ZCCHC7: variants seen among roughly 807,000 people sequenced by gnomAD.
ZCCHC7 encodes the protein zinc finger CCHC domain-containing protein 7.
In ZCCHC7, 35 loss-of-function variants were observed where a neutral mutation model predicts 52.0. The observed-to-expected ratio is 0.67, with a 90% CI of 0.51 to 0.89. The LOEUF (loss-of-function observed/expected upper bound fraction) is 0.89, where lower values mean the gene tolerates loss of function less well. ZCCHC7 is among the 40% of genes least tolerant of loss of function. The pLI, the probability that ZCCHC7 is intolerant of heterozygous loss-of-function variation, is 0.00. For synonymous variants in ZCCHC7, 217 were observed against 221.5 expected, an observed-to-expected ratio of 0.98 and a Z score of 0.18; for missense variants, 574 against 649.1, an observed-to-expected ratio of 0.88 and a Z score of 1.26.
chr9:37,276,784 G>A (rs894084979), intron 2 of ZCCHC7, among the ~76,000 whole-genome samples: 1 of 152,088 alleles, frequency 6.6e-6, no homozygotes, highest in Non-Finnish European at 1.5e-5. Context: ...TGATGTAGAG[G>A]ATTTACACTG....
chr9:37,268,841 A>G (rs1001319942), intron 2 of ZCCHC7, among the ~76,000 whole-genome samples: 1 of 152,200 alleles, frequency 6.6e-6, no homozygotes, highest in South Asian at 2.1e-4. Context: ...TACTCTATTC[A>G]TGTGGTCTTT....
Position 37,305,682 on chromosome 9 carries a change from G to C in ZCCHC7, c.919G>C (p.Asp307His), listed in dbSNP as rs1362250479. ...CAGACATTCCTGGGATAAACAGTGT[G>C]ACCGATGTCATATGCTAGGCCACTA... ...LFRHSWDKQC[D>H]RCHMLGHYTD... The change falls in exon 5 of 9, where the codon GAC becomes CAC. Residue 307 changes from aspartate (D) to histidine (H), a missense_variant. Coordinates refer to ENST00000336755, the MANE Select transcript of ZCCHC7 (RefSeq NM_032226.3). The C allele has an allele frequency of 1.2e-6, 2 of 1,613,980 alleles. No homozygotes were observed. Among genetic ancestry groups the C allele is most frequent in the Non-Finnish European group, 1.7e-6 (2 of 1,180,026 alleles).
At chr9:37,232,619 A>T (rs1030457193) in intron 2 of ZCCHC7, among the ~76,000 whole-genome samples, 2 of 152,210 alleles carry the variant, frequency 1.3e-5, no homozygotes, top group Non-Finnish European at 2.9e-5. Flanking sequence ...CTGGGAAAAA[A>T]ATCATGACAT....
chr9:37,261,924 A>G lies in ZCCHC7; in HGVS notation c.611-40264A>G, dbSNP rs887869515. ...TAATAGGAACCAGAGGTCTTAGTAAATGAGAACTATGATTCTGGGTGCTTA... is the reference window on the plus strand; with the variant it reads ...TAATAGGAACCAGAGGTCTTAGTAAGTGAGAACTATGATTCTGGGTGCTTA... On this transcript the variant is annotated intron_variant, in intron 2 of 8. Coordinates refer to ENST00000336755, the MANE Select transcript of ZCCHC7 (RefSeq NM_032226.3). Among the ~76,000 whole-genome samples the G allele has an allele frequency of 2.6e-5, 4 of 152,286 alleles. No individual in the cohort carries two copies. The South Asian group carries it at 8.3e-4, about 32-fold the overall frequency.
rs1213944515 is a variant in ZCCHC7, at chr9:37,254,509, C to G, written c.611-47679C>G. On this transcript the variant is annotated intron_variant, in intron 2 of 8. Coordinates refer to ENST00000336755, the MANE Select transcript of ZCCHC7 (RefSeq NM_032226.3). ...TGAGAGTGGGGTGTTGACTAGAGAG[C>G]TCCAAGTGATAAAATCTAGGAAAGA... Among the ~76,000 whole-genome samples the G allele has an allele frequency of 2.6e-5, 4 of 151,786 alleles. No homozygotes were observed. In the East Asian group the frequency reaches 7.7e-4, roughly 29 times the overall value.
chr9:37,212,082 A>G (rs1824270150), intron 2 of ZCCHC7, among the ~76,000 whole-genome samples: 2 of 146,618 alleles, frequency 1.4e-5, no homozygotes, highest in African/African-American at 2.5e-5. Flanking sequence ...CTTTGGCAAA[A>G]TCACTGGGGA....
chr9:37,310,865 G>T (rs1829561285), intron 5 of ZCCHC7, among the ~76,000 whole-genome samples: 1 of 151,466 alleles, frequency 6.6e-6, no homozygotes, highest in South Asian at 2.1e-4. Flanking sequence ...GCTGAGATGG[G>T]AGGATTGCTT....
rs1168077297 is a variant in ZCCHC7, at chr9:37,327,806, C to T, written c.959C>T (p.Thr320Ile). The change falls in exon 6 of 9, where the codon ACA (threonine) becomes ATA (isoleucine). Residue 320 changes from threonine to isoleucine, a missense_variant. Thr to Ile is a moderately conservative substitution (Grantham distance 89, BLOSUM62 -1). This residue lies in a region of ZCCHC7 where 403 missense variants were observed against 461.2 expected (regional missense o/e 0.87). Transcript: ENST00000336755. ...HMLGHYTDAC[T>I]EIWRQYHLTT... is the part of the protein sequence containing the mutation. ...AATATTTTTATTTTCCAGGCTTGCA[C>T]AGAAATCTGGAGGCAGTATCACCTA... The T allele has an allele frequency of 2.5e-6, 4 of 1,612,956 alleles. No homozygotes were observed. Among genetic ancestry groups the T allele is most frequent in the Admixed American group, 1.7e-5 (1 of 59,930 alleles).
intron 2 of ZCCHC7, among the ~76,000 whole-genome samples, chr9:37,227,352 G>A (rs965530428): frequency 6.6e-6 from 1 of 152,118 alleles, no homozygotes; most frequent in African/African-American, 2.4e-5. Flanking sequence ...ATAAGCTAAT[G>A]AAAAGATCAA....
intron 2 of ZCCHC7, among the ~76,000 whole-genome samples, chr9:37,267,085 G>A (rs535912561): frequency 8.5e-5 from 13 of 152,148 alleles, no homozygotes; most frequent in African/African-American, 2.9e-4. Context: ...ATCCATTCAG[G>A]CCCAGTTTCA....
intron 2 of ZCCHC7, among the ~76,000 whole-genome samples, chr9:37,176,968 C>T (rs1166344398): frequency 6.6e-6 from 1 of 152,172 alleles, no homozygotes; most frequent in African/African-American, 2.4e-5. Flanking sequence ...ACTGATGCCT[C>T]AGTCCTACCC....
intron 2 of ZCCHC7, among the ~76,000 whole-genome samples, chr9:37,300,149 A>T (rs752089381): frequency 1.3e-5 from 2 of 152,144 alleles, no homozygotes; most frequent in Non-Finnish European, 2.9e-5. Context: ...AATAGAGTCG[A>T]TCTCCCTCCT....
At chr9:37,125,375 C>G (rs1842497812) in intron 1 of ZCCHC7, among the ~76,000 whole-genome samples, 1 of 152,030 alleles carries the variant, frequency 6.6e-6, no homozygotes, top group South Asian at 2.1e-4. Flanking sequence ...CCAGGCTGTT[C>G]TCAAACTTCT....
At chr9:37,351,071 A>G (rs1330758462) in intron 7 of ZCCHC7, among the ~76,000 whole-genome samples, 5 of 100,800 alleles carry the variant, frequency 5.0e-5, no homozygotes, top group Non-Finnish European at 1.1e-4. Context: ...GGAGACCTAC[A>G]TTGTAGGGCA....
Position 37,266,710 on chromosome 9 carries a change from C to T in ZCCHC7, c.611-35478C>T, listed in dbSNP as rs1827121258. Among the ~76,000 whole-genome samples, 12 of 152,098 alleles carry T rather than the reference C, an allele frequency of 7.9e-5. No individual in the cohort carries two copies. The South Asian group carries it at 2.3e-3, about 29-fold the overall frequency. On this transcript the variant is annotated intron_variant, in intron 2 of 8. Transcript: ENST00000336755. The stretch of plus-strand genomic sequence containing the variant: ...GCAATATAGCAAGACTCCATCTCTA[C>T]AAAAAACAGAAAAATTAACCAGGTA...
In ZCCHC7 at chr9:37,350,587, A is replaced by T. The variant is rs565865231; in HGVS notation, c.1083+1135A>T. 2.6e-5 allele frequency among the ~76,000 whole-genome samples: 4 copies of T among 152,164 alleles called. No homozygotes were observed. In the East Asian group the frequency reaches 7.7e-4, roughly 29 times the overall value. On this transcript the variant is annotated intron_variant, in intron 7 of 8. Transcript: ENST00000336755. Reference sequence around the variant, plus strand: ...TACCCCACAAATGCCCAGATTCCCTATCCAGCCAACATATTCCCTAACCCC... The same window carrying T: ...TACCCCACAAATGCCCAGATTCCCTTTCCAGCCAACATATTCCCTAACCCC...
At chr9:37,166,535 A>T (rs1032573612) in intron 2 of ZCCHC7, among the ~76,000 whole-genome samples, 7 of 149,448 alleles carry the variant, frequency 4.7e-5, no homozygotes, top group Admixed American at 1.3e-4. Context: ...ATTTTTCTCT[A>T]TTTTTTTTTA....
chr9:37,272,511 A>AAAAG lies in ZCCHC7; in HGVS notation c.611-29668_611-29665dup, dbSNP rs1180620162. On this transcript the variant is annotated intron_variant, in intron 2 of 8. Coordinates refer to ENST00000336755, the MANE Select transcript of ZCCHC7 (RefSeq NM_032226.3). The stretch of plus-strand genomic sequence containing the variant: ...TGTGGTAAAAAAAAAAAAAAAAAAA[A>AAAAG]AAAGAAAGAAAGGACCTGGGCAGTA... Among the ~76,000 whole-genome samples, 12 of 150,562 alleles carry AAAAG rather than the reference A, an allele frequency of 8.0e-5. 1 individual carries two copies. The highest frequency in any genetic ancestry group is 4.2e-4 in the South Asian group (2 of 4,804).
At chr9:37,199,772 C>T (rs1823524567) in intron 2 of ZCCHC7, among the ~76,000 whole-genome samples, 1 of 152,048 alleles carries the variant, frequency 6.6e-6, no homozygotes, top group Admixed American at 6.5e-5. Flanking sequence ...GTGGCGCGAT[C>T]TCGGCTCACT....
Sources: allele counts gnomAD v4.1 joint callset (sites outside exome capture counted in the v4.1 genomes callset), GRCh38; gene constraint gnomAD v4.1.1; regional missense constraint gnomAD v4.1.1; transcripts MANE v1.5; gene names NCBI Gene and HGNC (gene_info 2026-07-23, HGNC 2026-07-21).